Variants in COL23A1 observed in about 807,000 individuals in gnomAD.
COL23A1 encodes collagen type XXIII alpha 1 chain.
A neutral mutation model predicts 99.3 loss-of-function variants in COL23A1; 97 were observed. The observed-to-expected ratio is 0.98, with a 90% CI of 0.83 to 1.16. The LOEUF is 1.16. Among genes scored for constraint, COL23A1 ranks in the 50% most tolerant of loss-of-function variants. COL23A1 has a pLI of 0.00. For synonymous variants in COL23A1, 320 were observed against 308.2 expected, an observed-to-expected ratio of 1.04 and a Z score of -0.40; for missense variants, 762 against 757.4, an observed-to-expected ratio of 1.01 and a Z score of -0.07.
chr5:178,320,040 C>T (rs1163570055), intron 2 of COL23A1, among the ~76,000 whole-genome samples: 7 of 152,234 alleles, frequency 4.6e-5, no homozygotes, highest in African/African-American at 1.7e-4. Context: ...GAATGCTTGC[C>T]GCCTCCTCGG....
intron 2 of COL23A1, among the ~76,000 whole-genome samples, chr5:178,341,650 G>T (rs923690885): frequency 1.3e-5 from 2 of 152,286 alleles, no homozygotes; most frequent in Admixed American, 1.3e-4. Flanking sequence ...AGGGTCTCAG[G>T]TGTGGCCTGC....
At chr5:178,386,971 G>A (rs947068420) in intron 2 of COL23A1, among the ~76,000 whole-genome samples, 1 of 151,984 alleles carries the variant, frequency 6.6e-6, no homozygotes, top group Non-Finnish European at 1.5e-5. Context: ...TATTAGGATG[G>A]GTGCAATAAA....
intron 2 of COL23A1, among the ~76,000 whole-genome samples, chr5:178,319,906 C>T (rs1361132055): frequency 7.3e-6 from 1 of 136,780 alleles, no homozygotes; most frequent in East Asian, 2.0e-4. Context: ...CTGCCCACTG[C>T]TTCCCTGCAC....
At chr5:178,284,639 T>C (rs1263570774) in intron 5 of COL23A1, among the ~76,000 whole-genome samples, 1 of 152,136 alleles carries the variant, frequency 6.6e-6, no homozygotes, top group African/African-American at 2.4e-5. Context: ...GGGTGAAAAA[T>C]TGTCAATATA....
intron 1 of COL23A1, among the ~76,000 whole-genome samples, chr5:178,578,777 G>A (rs921834578): frequency 4.0e-5 from 6 of 149,530 alleles, no homozygotes; most frequent in Admixed American, 6.7e-5. Flanking sequence ...GGTTAACCAC[G>A]AGCATTTCGC....
chr5:178,543,110 GT>G (rs1278330892), intron 2 of COL23A1, among the ~76,000 whole-genome samples: 117 of 142,562 alleles, frequency 8.2e-4, no homozygotes, highest in East Asian at 1.4e-3. Context: ...TAATTGGCTT[GT>G]TTTTTTTTTT....
chr5:178,577,096 G>C (rs1440715572), intron 1 of COL23A1, among the ~76,000 whole-genome samples: 1 of 152,044 alleles, frequency 6.6e-6, no homozygotes, highest in South Asian at 2.1e-4. Context: ...TCCGCGCCCT[G>C]TGGGCCGAGG....
At chr5:178,585,751 T>TGGCGCTGGGGTAACACTCCACGTCCC (rs1562115782) in intron 1 of COL23A1, among the ~76,000 whole-genome samples, 1 of 5,210 alleles carries the variant, frequency 1.9e-4, no homozygotes, top group Non-Finnish European at 8.0e-4. Context: ...GCTGACCCTG[T>TGGCGCTGGGGTAACACTCCACGTCCC]TGGTTGCTCC....
In COL23A1 at chr5:178,428,850, G is replaced by A. The variant is rs962083597; in HGVS notation, c.362-121931C>T. Among the ~76,000 whole-genome samples, 1 of 152,206 alleles carries A rather than the reference G, an allele frequency of 6.6e-6. No individual in the cohort carries two copies. The highest frequency in any genetic ancestry group is 1.5e-5 in the Non-Finnish European group (1 of 68,030). Reference sequence around the variant, plus strand: ...AGGGTCTGCAAGCAACTCTGCCCCTGGAGTGGTGCCTCGTGGGGGTGGGGG... The same window carrying A: ...AGGGTCTGCAAGCAACTCTGCCCCTAGAGTGGTGCCTCGTGGGGGTGGGGG... On this transcript the variant is annotated intron_variant, in intron 2 of 28. Transcript: ENST00000390654. The surrounding 1 kb of genome is among the most constrained non-coding windows in gnomAD (Gnocchi z 5.0).
chr5:178,497,689 T>C (rs1407902959), intron 2 of COL23A1, among the ~76,000 whole-genome samples: 1 of 152,194 alleles, frequency 6.6e-6, no homozygotes, highest in Non-Finnish European at 1.5e-5. Flanking sequence ...GGGGGAAATG[T>C]AGCATCTATA....
At position 178,358,250 on chromosome 5, in the gene COL23A1, G is replaced by GTA. The variant is rs1561896804; in HGVS notation, c.362-51332_362-51331insTA. ...TGTGTGTATGTGTGTATGTGTATGT[G>GTA]TGTGTATGTATATGTGTGTATATGT... On this transcript the variant is annotated intron_variant, in intron 2 of 28. Transcript: ENST00000390654. 1.9e-5 allele frequency among the ~76,000 whole-genome samples: 2 copies of GTA among 102,610 alleles called. 1 individual carries two copies. The highest frequency in any genetic ancestry group is 8.5e-5 in the African/African-American group (2 of 23,548). 67.3% of individuals were successfully genotyped at this position (102,610 alleles called of 152,430 possible).
intron 2 of COL23A1, among the ~76,000 whole-genome samples, chr5:178,502,962 C>T (rs1194201829): frequency 2.0e-5 from 3 of 152,222 alleles, no homozygotes; most frequent in African/African-American, 4.8e-5. Context: ...ACCAGCAGCA[C>T]GGGCCAACCC....
intron 2 of COL23A1, among the ~76,000 whole-genome samples, chr5:178,501,789 C>T (rs1183234238): frequency 6.6e-6 from 1 of 152,184 alleles, no homozygotes; most frequent in Non-Finnish European, 1.5e-5. Flanking sequence ...CAAGGCCCCA[C>T]CTGGGGCACC....
chr5:178,495,193 C>A (rs1394382423), intron 2 of COL23A1, among the ~76,000 whole-genome samples: 1 of 152,230 alleles, frequency 6.6e-6, no homozygotes, highest in African/African-American at 2.4e-5. Context: ...GCTCCCTGCA[C>A]CCCGCCCATC....
chr5:178,494,167 T>C, intron 2 of COL23A1, among the ~76,000 whole-genome samples: 1 of 152,224 alleles, frequency 6.6e-6, no homozygotes, highest in East Asian at 1.9e-4. Flanking sequence ...AGTGTCTCAC[T>C]TATATCAAGA....
chr5:178,415,240 C>G lies in COL23A1; in HGVS notation c.362-108321G>C, dbSNP rs1765242908. Among the ~76,000 whole-genome samples, 1 of 152,174 alleles carries G rather than the reference C, an allele frequency of 6.6e-6. No individual in the cohort carries two copies. Among genetic ancestry groups the G allele is most frequent in the Admixed American group, 6.5e-5 (1 of 15,282 alleles). The stretch of plus-strand genomic sequence containing the variant: ...ACACACTCTTTTCTCCAGTGGGGTC[C>G]ACATGGTGCCAGTTACAGTGCTCAG... On this transcript the variant is annotated intron_variant, in intron 2 of 28. Coordinates refer to ENST00000390654, the MANE Select transcript of COL23A1 (RefSeq NM_173465.4). This position sits in a 1 kb window ranked among gnomAD's most constrained non-coding sequence, Gnocchi z 4.6.
chr5:178,249,716 A>ACACACACTCACTCTCTCTCTCT, intron 18 of COL23A1, among the ~76,000 whole-genome samples: 47 of 92,806 alleles, frequency 5.1e-4, no homozygotes, highest in African/African-American at 6.0e-4. Context: ...ACACACACAC[A>ACACACACTCACTCTCTCTCTCT]CTCTCTCTCT....
rs151272762 is a variant in COL23A1 at position 178,558,263 on chromosome 5, C to T, written c.361+2419G>A. Reference sequence around the variant, plus strand: ...GCTTTAACTTATACCTTCTCCATAACCTCAGAAAGCCCCCCAGAGCCCGCT... The same window carrying T: ...GCTTTAACTTATACCTTCTCCATAATCTCAGAAAGCCCCCCAGAGCCCGCT... On this transcript the variant is annotated intron_variant, in intron 2 of 28. Transcript: ENST00000390654. 6.7e-3 allele frequency among the ~76,000 whole-genome samples: 1,024 copies of T among 152,138 alleles called. 13 individuals carry two copies. The highest frequency in any genetic ancestry group is 0.023 in the African/African-American group (968 of 41,492).
intron 2 of COL23A1, among the ~76,000 whole-genome samples, chr5:178,349,972 G>A (rs59053074): frequency 0.023 from 3,431 of 152,270 alleles, 66 homozygotes; most frequent in East Asian, 0.078. Flanking sequence ...ACCAGTGCAT[G>A]TGCACCCAGG....
Sources: gnomAD v4.1 joint callset for allele counts (sites outside exome capture counted in the v4.1 genomes callset) on GRCh38, gnomAD v4.1.1 for gene constraint, Gnocchi (gnomAD v3.1) non-coding constraint, MANE v1.5 for transcripts, NCBI Gene and HGNC (gene_info 2026-07-23, HGNC 2026-07-21) for gene names.